KCNIP4: variants seen among roughly 807,000 people sequenced by gnomAD.
The protein encoded by KCNIP4 is potassium voltage-gated channel interacting protein 4, also known as Kv channel-interacting protein 4.
A neutral mutation model predicts 34.0 loss-of-function variants in KCNIP4; 12 were observed. The ratio of observed to expected loss-of-function variants is 0.35; its 90% confidence interval spans 0.23 to 0.57. The LOEUF is 0.57. Ranked by LOEUF, KCNIP4 falls within the 20% of genes least tolerant of loss-of-function variation. The pLI, the probability that KCNIP4 is intolerant of heterozygous loss-of-function variation, is 0.83. For missense variants in KCNIP4, 238 were observed against 311.7 expected (o/e 0.76, Z 1.78); for synonymous variants, 124 against 102.2 (o/e 1.21, Z -1.29).
chr4:21,920,219 A>G (rs937469533), intron 1 of KCNIP4, among the ~76,000 whole-genome samples: 1 of 152,206 alleles, frequency 6.6e-6, no homozygotes, highest in Non-Finnish European at 1.5e-5. Flanking sequence ...ACTTTACTAA[A>G]TACAACTGAG....
chr4:20,972,891 T>A (rs1735112432), intron 1 of KCNIP4, among the ~76,000 whole-genome samples: 1 of 152,224 alleles, frequency 6.6e-6, no homozygotes, highest in Non-Finnish European at 1.5e-5. Flanking sequence ...GAATTAGAAG[T>A]GGAGCCTGAG....
At chr4:21,284,589 A>T (rs1217643052) in intron 1 of KCNIP4, among the ~76,000 whole-genome samples, 1 of 152,132 alleles carries the variant, frequency 6.6e-6, no homozygotes, top group Non-Finnish European at 1.5e-5. Flanking sequence ...AAGGGATAGG[A>T]GCTAAGATTT....
At chr4:20,839,723 G>T (rs572677065) in intron 3 of KCNIP4, among the ~76,000 whole-genome samples, 1 of 152,154 alleles carries the variant, frequency 6.6e-6, no homozygotes, top group East Asian at 1.9e-4. Flanking sequence ...ATGAGACAGG[G>T]TCTGTGCTTT....
intron 1 of KCNIP4, among the ~76,000 whole-genome samples, chr4:21,822,012 C>A (rs577186279): frequency 2.0e-5 from 3 of 152,104 alleles, no homozygotes; most frequent in East Asian, 3.9e-4. Context: ...AAATAAAAAA[C>A]TGGTGCACAG....
At chr4:21,215,998 C>T (rs900843513) in intron 1 of KCNIP4, among the ~76,000 whole-genome samples, 4 of 152,144 alleles carry the variant, frequency 2.6e-5, no homozygotes, top group Admixed American at 2.0e-4. Flanking sequence ...GCTATGTTTT[C>T]CAGGCTGGTC....
intron 1 of KCNIP4, among the ~76,000 whole-genome samples, chr4:21,411,073 C>T (rs143975791): frequency 5.7e-4 from 86 of 152,194 alleles, no homozygotes; most frequent in African/African-American, 1.9e-3. Flanking sequence ...CATTCAAAGA[C>T]GATATCACAT....
intron 1 of KCNIP4, among the ~76,000 whole-genome samples, chr4:21,747,142 G>A (rs567881355): frequency 1.2e-4 from 19 of 152,136 alleles, no homozygotes; most frequent in Admixed American, 5.3e-4. Context: ...CAACTTTTAT[G>A]TTGACATAAG....
At chr4:21,158,118 T>C (rs1300975322) in intron 1 of KCNIP4, among the ~76,000 whole-genome samples, 1 of 152,080 alleles carries the variant, frequency 6.6e-6, no homozygotes, top group Non-Finnish European at 1.5e-5. Context: ...AAGAAATAGG[T>C]ACTCTAAATA....
chr4:21,580,162 T>C (rs1741101783), intron 1 of KCNIP4, among the ~76,000 whole-genome samples: 1 of 152,156 alleles, frequency 6.6e-6, no homozygotes, highest in Non-Finnish European at 1.5e-5. Context: ...TCTCAGTGTA[T>C]GCGTTCTCAT....
intron 1 of KCNIP4, among the ~76,000 whole-genome samples, chr4:21,478,541 T>C (rs149397054): frequency 3.3e-5 from 5 of 152,284 alleles, no homozygotes; most frequent in Non-Finnish European, 7.4e-5. Flanking sequence ...AGAAAACGTT[T>C]TGGCGCTCCC....
intron 1 of KCNIP4, among the ~76,000 whole-genome samples, chr4:21,873,061 A>C (rs1725904363): frequency 6.6e-6 from 1 of 152,236 alleles, no homozygotes; most frequent in East Asian, 1.9e-4. Flanking sequence ...AACCACAGAA[A>C]GGTATCCACC....
At chr4:21,498,505 A>C (rs188686479) in intron 1 of KCNIP4, among the ~76,000 whole-genome samples, 2 of 152,292 alleles carry the variant, frequency 1.3e-5, no homozygotes, top group Admixed American at 1.3e-4. Context: ...TCATTAATTA[A>C]ATAAGCAACC....
intron 1 of KCNIP4, among the ~76,000 whole-genome samples, chr4:21,804,502 C>T (rs529543782): frequency 6.6e-6 from 1 of 152,258 alleles, no homozygotes; most frequent in Non-Finnish European, 1.5e-5. Context: ...AATCCTGTGA[C>T]TTGGTTGTAG....
intron 1 of KCNIP4, among the ~76,000 whole-genome samples, chr4:21,105,802 T>C (rs1387387550): frequency 2.6e-5 from 4 of 151,566 alleles, no homozygotes; most frequent in Non-Finnish European, 5.9e-5. Flanking sequence ...GTTTTTAGCA[T>C]GAAGGGTTGT....
At chr4:21,811,068 C>T (rs1040378230) in intron 1 of KCNIP4, among the ~76,000 whole-genome samples, 3 of 152,174 alleles carry the variant, frequency 2.0e-5, no homozygotes, top group Non-Finnish European at 2.9e-5. Context: ...CTTTAACTAA[C>T]AGAGAAAGAC....
chr4:21,032,785 T>TGGCTTGCG, intron 1 of KCNIP4, among the ~76,000 whole-genome samples: 1 of 152,214 alleles, frequency 6.6e-6, no homozygotes, highest in Non-Finnish European at 1.5e-5. Context: ...TGATACAGGC[T>TGGCTTGCG]AAGCAACGAG....
chr4:20,976,702 G>A (rs1044947990), intron 1 of KCNIP4, among the ~76,000 whole-genome samples: 3 of 152,102 alleles, frequency 2.0e-5, no homozygotes, highest in African/African-American at 7.2e-5. Flanking sequence ...GTTAGGTCTT[G>A]GTGTTTTCTT....
chr4:21,446,999 G>GA (rs958489860), intron 1 of KCNIP4, among the ~76,000 whole-genome samples: 191 of 141,210 alleles, frequency 1.4e-3, no homozygotes, highest in South Asian at 2.4e-3. Flanking sequence ...GGTGCATACA[G>GA]AAAAAAAAAA....
intron 1 of KCNIP4, among the ~76,000 whole-genome samples, chr4:21,778,713 G>T (rs1017816137): frequency 2.0e-5 from 3 of 152,092 alleles, no homozygotes; most frequent in Non-Finnish European, 2.9e-5. Flanking sequence ...AAGGCATAAT[G>T]TAAAAATCGG....
Sources: gnomAD v4.1 joint callset for allele counts (sites outside exome capture counted in the v4.1 genomes callset) on GRCh38, gnomAD v4.1.1 for gene constraint, MANE v1.5 for transcripts, NCBI Gene and HGNC (gene_info 2026-07-23, HGNC 2026-07-21) for gene names.